The following CATSPERE variants were observed in gnomAD, a reference collection of about 807,000 sequenced individuals.
CATSPERE encodes cation channel sperm-associated auxiliary subunit epsilon.
In CATSPERE, 93 loss-of-function variants were observed where a neutral mutation model predicts 114.1. The ratio of observed to expected loss-of-function variants is 0.81; its 90% CI spans 0.69 to 0.97. The LOEUF (loss-of-function observed/expected upper bound fraction) is 0.97. CATSPERE is among the 50% of genes least tolerant of loss of function. CATSPERE has a pLI of 0.00. For synonymous variants in CATSPERE, 341 were observed against 384.1 expected, an observed-to-expected ratio of 0.89 and a Z score of 1.31; for missense variants, 1,058 against 1,131.6, an observed-to-expected ratio of 0.93 and a Z score of 0.93.
At chr1:244,621,962 AGTGTC>A (rs1309640002) in intron 20 of CATSPERE, among the ~76,000 whole-genome samples, 3 of 152,226 alleles carry the variant, frequency 2.0e-5, no homozygotes, top group Non-Finnish European at 4.4e-5. Context: ...CACCTACCAC[AGTGTC>A]ATTAACCGTA....
chr1:244,534,251 G>T (rs1027707168), intron 8 of CATSPERE, among the ~76,000 whole-genome samples: 3 of 151,968 alleles, frequency 2.0e-5, no homozygotes, highest in Admixed American at 6.6e-5. Context: ...TCTTCTTTGG[G>T]TTAACTCTGC....
chr1:244,554,918 CA>C (rs1661343626), intron 9 of CATSPERE, among the ~76,000 whole-genome samples: 1 of 152,156 alleles, frequency 6.6e-6, no homozygotes, highest in Non-Finnish European at 1.5e-5. Context: ...TCAAATAGCA[CA>C]TCAAAACCAG....
chr1:244,489,331 A>G (rs1446100984), intron 5 of CATSPERE, among the ~76,000 whole-genome samples: 1 of 152,092 alleles, frequency 6.6e-6, no homozygotes, highest in South Asian at 2.1e-4. Context: ...TGTTTGACAT[A>G]AATTATAACA....
chr1:244,636,625 CA>C (rs1231269091), intron 21 of CATSPERE: 5 of 152,610 alleles, frequency 3.3e-5, no homozygotes, highest in African/African-American at 1.2e-4. Flanking sequence ...AAGAAGGAGT[CA>C]AGTGAGTTAG....
intron 21 of CATSPERE, among the ~76,000 whole-genome samples, chr1:244,637,560 A>AC (rs912849644): frequency 1.3e-5 from 2 of 150,988 alleles, no homozygotes; most frequent in Non-Finnish European, 3.0e-5. Flanking sequence ...ACCCACCGCA[A>AC]CCCCCCTTCA....
chr1:244,538,691 T>G (rs1680733063), intron 8 of CATSPERE, among the ~76,000 whole-genome samples: 1 of 152,208 alleles, frequency 6.6e-6, no homozygotes. Context: ...CAGATTCCCC[T>G]AGGCCCACAG....
intron 17 of CATSPERE, 21 bp from the exon 18 acceptor site, chr1:244,605,674 T>A (rs1300425432): frequency 7.2e-6 from 11 of 1,521,466 alleles, no homozygotes; most frequent in Non-Finnish European, 1.0e-5. Context: ...CTAGTATCTT[T>A]CTGTTTGTTG....
intron 15 of CATSPERE, 62 bp downstream of exon 15, chr1:244,591,793 T>A: frequency 9.9e-7 from 1 of 1,010,492 alleles, no homozygotes; most frequent in Non-Finnish European, 1.5e-6. Flanking sequence ...TACTTTACAA[T>A]CAGTACTTAT....
At chr1:244,584,550 TTATAG>T (rs1462833531) in intron 13 of CATSPERE, among the ~76,000 whole-genome samples, 11 of 151,994 alleles carry the variant, frequency 7.2e-5, no homozygotes, top group African/African-American at 2.7e-4. Flanking sequence ...ATATATTATA[TTATAG>T]TATTGTGAAA....
At chr1:244,623,796 A>T (rs1455016023) in intron 20 of CATSPERE, among the ~76,000 whole-genome samples, 1 of 152,220 alleles carries the variant, frequency 6.6e-6, no homozygotes, top group Non-Finnish European at 1.5e-5. Flanking sequence ...ATTGTCTAAA[A>T]AATATATAAC....
chr1:244,630,405 T>C (rs1255116248), intron 20 of CATSPERE, among the ~76,000 whole-genome samples: 1 of 152,196 alleles, frequency 6.6e-6, no homozygotes, highest in African/African-American at 2.4e-5. Context: ...AAGATTTACA[T>C]GTTAGTGGTG....
At chr1:244,506,722 T>C (rs1004181244) in intron 7 of CATSPERE, among the ~76,000 whole-genome samples, 21 of 152,220 alleles carry the variant, frequency 1.4e-4, no homozygotes, top group Non-Finnish European at 1.5e-4. Context: ...ATCAGGGTAA[T>C]TGGGATATCC....
intron 2 of CATSPERE, among the ~76,000 whole-genome samples, chr1:244,469,412 C>A (rs1357731133): frequency 6.6e-6 from 1 of 152,118 alleles, no homozygotes; most frequent in African/African-American, 2.4e-5. Context: ...GACTTTATCA[C>A]CCACTTTCTT....
chr1:244,591,869 C>T, intron 15 of CATSPERE, 138 bp downstream of exon 15: 1 of 562,514 alleles, frequency 1.8e-6, no homozygotes, highest in Non-Finnish European at 3.2e-6. Flanking sequence ...TAGCATTAAG[C>T]AAAATGTGTA....
intron 8 of CATSPERE, among the ~76,000 whole-genome samples, chr1:244,521,370 T>G (rs1485619248): frequency 2.0e-5 from 3 of 152,016 alleles, no homozygotes; most frequent in African/African-American, 7.3e-5. Context: ...CATAAATAAA[T>G]AAATCCAGTA....
At chr1:244,622,042 A>G (rs1672463321) in intron 20 of CATSPERE, among the ~76,000 whole-genome samples, 1 of 152,232 alleles carries the variant, frequency 6.6e-6, no homozygotes, top group Non-Finnish European at 1.5e-5. Flanking sequence ...AGTTTATCGC[A>G]TCTATCTCCA....
chr1:244,592,879 G>A (rs1448959700), intron 15 of CATSPERE, among the ~76,000 whole-genome samples: 1 of 152,208 alleles, frequency 6.6e-6, no homozygotes, highest in East Asian at 1.9e-4. Flanking sequence ...AGTGATTCAA[G>A]TGTGAGGACT....
chr1:244,485,680 A>G (rs3006017), intron 5 of CATSPERE, among the ~76,000 whole-genome samples: 83,291 of 148,434 alleles, frequency 0.56, 23,897 homozygotes, highest in African/African-American at 0.68. Flanking sequence ...CTCATTATCC[A>G]TGTCTAAATT....
chr1:244,579,343 G>A (rs1404818881), intron 11 of CATSPERE, among the ~76,000 whole-genome samples: 1 of 152,096 alleles, frequency 6.6e-6, no homozygotes, highest in Non-Finnish European at 1.5e-5. Context: ...GTAAATGTTT[G>A]TGTAAGTTTT....
Sources: gnomAD v4.1 joint callset for allele counts (sites outside exome capture counted in the v4.1 genomes callset) on GRCh38, gnomAD v4.1.1 for gene constraint, MANE v1.5 for transcripts, NCBI Gene and HGNC (gene_info 2026-07-23, HGNC 2026-07-21) for gene names.